The following PRKN variants were observed in gnomAD, a reference collection of about 807,000 sequenced individuals.
The protein encoded by PRKN is E3 ubiquitin-protein ligase parkin.
PRKN carries 56 observed loss-of-function variants against 59.5 expected under a neutral mutation model. The ratio of observed to expected loss-of-function variants is 0.94; its 90% CI spans 0.76 to 1.18. The LOEUF (loss-of-function observed/expected upper bound fraction) is 1.18, where lower values mean the gene tolerates loss of function less well. Ranked by LOEUF, PRKN falls within the 50% of genes most tolerant of loss-of-function variation. The pLI is 0.00. For missense variants in PRKN, 657 were observed against 596.4 expected (o/e 1.10, Z -1.06); for synonymous variants, 250 against 222.1 (o/e 1.13, Z -1.12).
chr6:162,694,236 C>CAAAAAA (rs149337714), intron 1 of PRKN, among the ~76,000 whole-genome samples: 13 of 93,472 alleles, frequency 1.4e-4, no homozygotes, highest in Non-Finnish European at 1.8e-4. Flanking sequence ...AACAGTGAGA[C>CAAAAAA]AAAAAAAAAA....
Position 162,261,403 on chromosome 6 carries a change from ATTG to A in PRKN, c.412+1119_412+1121del, listed in dbSNP as rs548937030. Among the ~76,000 whole-genome samples, 416 of 152,184 alleles carry A rather than the reference ATTG, an allele frequency of 2.7e-3. 1 individual carries two copies. The highest frequency in any genetic ancestry group is 5.2e-3 in the Non-Finnish European group (352 of 68,004). On this transcript the variant is annotated intron_variant, in intron 3 of 11. Transcript: ENST00000366898. ...ATACACACTCAAGGTGGAATTTTCC[ATTG>A]TTTGGTTTATAATGTTGGAGCATGA...
At chr6:161,914,508 C>A (rs9355964) in intron 6 of PRKN, among the ~76,000 whole-genome samples, 7,769 of 152,002 alleles carry the variant, frequency 0.051, 263 homozygotes, top group South Asian at 0.15. Context: ...TTATACTACA[C>A]CCATCTGCAC....
At chr6:161,897,114 T>C (rs1337658703) in intron 6 of PRKN, among the ~76,000 whole-genome samples, 1 of 152,232 alleles carries the variant, frequency 6.6e-6, no homozygotes, top group East Asian at 1.9e-4. Context: ...TTGGCCTAGA[T>C]AGCAGCTAAA....
intron 5 of PRKN, among the ~76,000 whole-genome samples, chr6:161,980,429 T>C (rs1781216965): frequency 6.6e-6 from 1 of 152,164 alleles, no homozygotes; most frequent in South Asian, 2.1e-4. Context: ...GCTCAGGGTA[T>C]AGTTAGGAAA....
At chr6:161,794,076 A>G (rs1790743806) in intron 6 of PRKN, among the ~76,000 whole-genome samples, 1 of 152,006 alleles carries the variant, frequency 6.6e-6, no homozygotes, top group African/African-American at 2.4e-5. Context: ...ACTTGATTTT[A>G]TGCATCTCGT....
chr6:162,400,273 T>G (rs1197259611), intron 2 of PRKN, among the ~76,000 whole-genome samples: 1 of 148,918 alleles, frequency 6.7e-6, no homozygotes, highest in East Asian at 2.0e-4. Flanking sequence ...CATATGGAAA[T>G]AACACTTTGT....
intron 6 of PRKN, among the ~76,000 whole-genome samples, chr6:161,793,291 A>G (rs1431550586): frequency 1.3e-5 from 2 of 152,116 alleles, no homozygotes; most frequent in African/African-American, 4.8e-5. Flanking sequence ...GCACTGGCAG[A>G]TCCTGAATCA....
At chr6:162,375,035 T>C (rs1785985905) in intron 2 of PRKN, among the ~76,000 whole-genome samples, 1 of 152,138 alleles carries the variant, frequency 6.6e-6, no homozygotes, top group Non-Finnish European at 1.5e-5. Context: ...GATTTTATTA[T>C]TAGGAACAAT....
chr6:162,541,350 T>A (rs1778919938), intron 1 of PRKN, among the ~76,000 whole-genome samples: 1 of 152,140 alleles, frequency 6.6e-6, no homozygotes, highest in Admixed American at 6.5e-5. Context: ...ATCATGCAGA[T>A]AACTGGGGAG....
At chr6:161,649,768 T>A (rs1237031964) in intron 7 of PRKN, among the ~76,000 whole-genome samples, 3 of 152,196 alleles carry the variant, frequency 2.0e-5, no homozygotes, top group Admixed American at 6.5e-5. Flanking sequence ...TCTCACAATG[T>A]CAGGTTGACA....
rs1789467465 is a variant in PRKN at position 161,445,881 on chromosome 6, C to G, written c.1084-59004G>C. Among the ~76,000 whole-genome samples the G allele has an allele frequency of 6.6e-6, 1 of 151,656 alleles. No individual in the cohort carries two copies. Among genetic ancestry groups the G allele is most frequent in the African/African-American group, 2.4e-5 (1 of 41,284 alleles). On this transcript the variant is annotated intron_variant, in intron 9 of 11. Coordinates refer to ENST00000366898, the MANE Select transcript of PRKN (RefSeq NM_004562.3). This position sits in a 1 kb window ranked among gnomAD's most constrained non-coding sequence, Gnocchi z 7.7. ...GGTGGTTTCCTTTGCCCGGAGAGTT[C>G]AGAGGCCTTAGTTCTGGAAAGCCTC...
At position 161,435,793 on chromosome 6, in the gene PRKN, A is replaced by G. The variant is rs55785515; in HGVS notation, c.1084-48916T>C. Among the ~76,000 whole-genome samples, 1,129 of 146,652 alleles carry G rather than the reference A, an allele frequency of 7.7e-3. 13 individuals carry two copies. The highest frequency in any genetic ancestry group is 0.061 in the East Asian group (294 of 4,852). The stretch of plus-strand genomic sequence containing the variant: ...TTTCTGGATTTTTTTTTCCCTAAAT[A>G]AAACCTGTATCTACATGAAAACTCC... On this transcript the variant is annotated intron_variant, in intron 9 of 11. Transcript: ENST00000366898.
At chr6:161,767,780 T>G (rs1583133165) in intron 7 of PRKN, among the ~76,000 whole-genome samples, 2 of 119,326 alleles carry the variant, frequency 1.7e-5, no homozygotes, top group Non-Finnish European at 3.5e-5. Context: ...GGGCTGGGGG[T>G]GTGGGGATGG....
intron 1 of PRKN, among the ~76,000 whole-genome samples, chr6:162,626,537 C>T (rs772921806): frequency 2.1e-4 from 32 of 152,028 alleles, no homozygotes; most frequent in Middle Eastern, 3.4e-3. Flanking sequence ...TGGCTCAGGC[C>T]GGGTATGGTG....
intron 5 of PRKN, among the ~76,000 whole-genome samples, chr6:162,030,519 C>A (rs1783596922): frequency 6.6e-6 from 1 of 152,176 alleles, no homozygotes; most frequent in African/African-American, 2.4e-5. Flanking sequence ...CTTCTTTTTA[C>A]CCTTGTACAG....
chr6:162,654,820 C>G lies in PRKN; in HGVS notation c.7+72842G>C, dbSNP rs970035730. The stretch of plus-strand genomic sequence containing the variant: ...ACACTTCTTTCTAAACAAGGCGGCA[C>G]AGCAAGGAGAAGTGCAGAGTGAAGT... On this transcript the variant is annotated intron_variant, in intron 1 of 11. Coordinates refer to ENST00000366898, the MANE Select transcript of PRKN (RefSeq NM_004562.3). 1.4e-5 allele frequency among the ~76,000 whole-genome samples: 2 copies of G among 146,240 alleles called. 1 individual carries two copies. Among genetic ancestry groups the G allele is most frequent in the South Asian group, 4.4e-4 (2 of 4,520 alleles).
chr6:162,564,633 A>G (rs1295567077), intron 1 of PRKN, among the ~76,000 whole-genome samples: 1 of 152,202 alleles, frequency 6.6e-6, no homozygotes, highest in Non-Finnish European at 1.5e-5. Flanking sequence ...CATACAATGG[A>G]GCTCCAAAAC....
At position 161,548,938 on chromosome 6, in the gene PRKN, G is replaced by T. The variant is rs1402503734; in HGVS notation, c.999C>A (p.Pro333=). 1 of 1,614,032 alleles carries T rather than the reference G, an allele frequency of 6.2e-7. No homozygotes were observed. The highest frequency in any genetic ancestry group is 8.5e-7 in the Non-Finnish European group (1 of 1,179,938). Residue 333 remains proline, a synonymous_variant, in exon 9 of 12, where the codon CCC becomes CCA. Coordinates refer to ENST00000366898, the MANE Select transcript of PRKN (RefSeq NM_004562.3). The surrounding 1 kb of genome is among the most constrained non-coding windows in gnomAD (Gnocchi z 4.2). Reference sequence around the variant, plus strand: ...GCAGCCCCGCTCCACAGCCAGGGCGGGGGCATAACACGCCCCCCATCTGCA... The same window carrying T: ...GCAGCCCCGCTCCACAGCCAGGGCGTGGGCATAACACGCCCCCCATCTGCA... ...CVLQMGGVLC[P]RPGCGAGLLP... is the part of the protein sequence containing the mutation.
chr6:161,862,112 A>G (rs1326919832), intron 6 of PRKN, among the ~76,000 whole-genome samples: 3 of 152,164 alleles, frequency 2.0e-5, no homozygotes, highest in Non-Finnish European at 4.4e-5. Flanking sequence ...CACCCAGATA[A>G]TCCAGGATGA....
Sources: gnomAD v4.1 joint callset for allele counts (sites outside exome capture counted in the v4.1 genomes callset) on GRCh38, gnomAD v4.1.1 for gene constraint, Gnocchi (gnomAD v3.1) non-coding constraint, MANE v1.5 for transcripts, NCBI Gene and HGNC (gene_info 2026-07-23, HGNC 2026-07-21) for gene names.